GPM6B: variants seen among roughly 807,000 people sequenced by gnomAD.
GPM6B encodes neuronal membrane glycoprotein M6-b.
A neutral mutation model predicts 27.2 loss-of-function variants in GPM6B; 4 were observed. That is an observed-to-expected ratio of 0.15 (90% CI 0.07 to 0.34). The LOEUF (loss-of-function observed/expected upper bound fraction) is 0.34. Among genes scored for constraint, GPM6B ranks in the 10% least tolerant of loss-of-function variants. The pLI, the probability that GPM6B is intolerant of heterozygous loss-of-function variation, is 1.00. For synonymous variants in GPM6B, 124 were observed against 103.1 expected (o/e 1.20, Z -1.23); for missense variants, 183 against 261.9 (o/e 0.70, Z 2.08).
intron 1 of GPM6B, among the ~76,000 whole-genome samples, chrX:13,891,055 C>T (rs6629402): frequency 0.2 from 22,458 of 110,405 alleles, 1,992 homozygotes; most frequent in East Asian, 0.64. Context: ...GTGATCCCAA[C>T]GTGCAGCCAA....
chrX:13,900,012 A>G (rs1219799479), intron 1 of GPM6B, among the ~76,000 whole-genome samples: 2 of 112,341 alleles, frequency 1.8e-5, no homozygotes, highest in African/African-American at 6.5e-5. Context: ...ATTATATGAT[A>G]AAGTATTTGT....
At chrX:13,830,472 T>G (rs760274277) in intron 1 of GPM6B, among the ~76,000 whole-genome samples, 94 of 112,584 alleles carry the variant, frequency 8.3e-4, no homozygotes, top group Non-Finnish European at 1.6e-3. Flanking sequence ...CTTTCAGTTC[T>G]TCCTTACTTA....
intron 1 of GPM6B, among the ~76,000 whole-genome samples, chrX:13,851,260 G>T (rs1334995404): frequency 2.8e-5 from 3 of 108,787 alleles, no homozygotes; most frequent in African/African-American, 1.0e-4. Flanking sequence ...ACAGAATATA[G>T]ATTCTGAGCC....
chrX:13,799,999 C>G (rs1444228949), intron 2 of GPM6B, among the ~76,000 whole-genome samples: 1 of 111,838 alleles, frequency 8.9e-6, no homozygotes, highest in Non-Finnish European at 1.9e-5. Context: ...TAGCTTACTT[C>G]TTAGGACTAG....
intron 1 of GPM6B, among the ~76,000 whole-genome samples, chrX:13,852,592 T>A (rs1444919628): frequency 9.0e-6 from 1 of 110,679 alleles, no homozygotes; most frequent in Non-Finnish European, 1.9e-5. Flanking sequence ...TACCCTGCTT[T>A]TGATTTAATT....
At chrX:13,918,639 G>A (rs2050449715) in intron 1 of GPM6B, among the ~76,000 whole-genome samples, 1 of 111,896 alleles carries the variant, frequency 8.9e-6, no homozygotes, top group Non-Finnish European at 1.9e-5. Flanking sequence ...AGTTTAACTG[G>A]CTCATGGTTC....
At chrX:13,780,974 C>T in intron 4 of GPM6B, 5 of 319,826 alleles carry the variant, frequency 1.6e-5, no homozygotes, top group Non-Finnish European at 1.8e-5. Context: ...AGAAACGAGA[C>T]ACTTTCCCTT....
At chrX:13,902,909 A>G (rs936424732) in intron 1 of GPM6B, among the ~76,000 whole-genome samples, 1 of 111,953 alleles carries the variant, frequency 8.9e-6, no homozygotes, top group East Asian at 2.8e-4. Flanking sequence ...AGACTCAACG[A>G]AAGAGGACCC....
chrX:13,933,519 GT>G (rs896092670), intron 1 of GPM6B, among the ~76,000 whole-genome samples: 3 of 112,130 alleles, frequency 2.7e-5, no homozygotes, highest in African/African-American at 9.7e-5. Context: ...AGTCAGTGGT[GT>G]TTGTTCCCAA....
At position 13,816,939 on chromosome X, in the gene GPM6B, C is replaced by T. The variant is rs1236809168; in HGVS notation, c.-35G>A. 8.5e-7 allele frequency: 1 copy of T among 1,173,131 alleles called. No individual in the cohort carries two copies. On this transcript the variant is annotated 5_prime_UTR_variant, in exon 1 of 8. Coordinates refer to ENST00000316715, the MANE Select transcript of GPM6B (RefSeq NM_001001995.3). ...CAAAAATGCTTTTCCCCCTGTTCCC[C>T]CCAACACACACTTGTTTTTCCTCCT...
intron 1 of GPM6B, among the ~76,000 whole-genome samples, chrX:13,867,392 G>A (rs1203442959): frequency 8.9e-6 from 1 of 112,487 alleles, no homozygotes; most frequent in Non-Finnish European, 1.9e-5. Context: ...CTACAAGCGT[G>A]AGCCGCTGTG....
At chrX:13,812,048 C>CTTTTTTTTTTTT (rs1187553585) in intron 1 of GPM6B, among the ~76,000 whole-genome samples, 1 of 88,916 alleles carries the variant, frequency 1.1e-5, no homozygotes, top group Admixed American at 1.3e-4. Flanking sequence ...TCTTTTCTTT[C>CTTTTTTTTTTTT]TTTTTTTTTT....
At chrX:13,838,101 T>A (rs1481374061) in intron 1 of GPM6B, among the ~76,000 whole-genome samples, 1 of 106,633 alleles carries the variant, frequency 9.4e-6, no homozygotes, top group Non-Finnish European at 1.9e-5. Flanking sequence ...ATTTATAGGT[T>A]TCCTATCTCC....
intron 1 of GPM6B, among the ~76,000 whole-genome samples, chrX:13,852,272 G>C (rs745623119): frequency 3.6e-5 from 4 of 111,261 alleles, no homozygotes; most frequent in Non-Finnish European, 7.5e-5. Flanking sequence ...TGACTCATGG[G>C]CCATACCTGA....
At chrX:13,795,247 G>A (rs2048788119) in intron 2 of GPM6B, among the ~76,000 whole-genome samples, 1 of 112,337 alleles carries the variant, frequency 8.9e-6, no homozygotes, top group Admixed American at 9.4e-5. Context: ...TTGAATATAA[G>A]AGTCAATCAA....
intron 1 of GPM6B, among the ~76,000 whole-genome samples, chrX:13,856,262 CAA>C (rs759011970): frequency 1.8e-5 from 2 of 111,753 alleles, no homozygotes; most frequent in Admixed American, 9.5e-5. Context: ...TCACAGAAAC[CAA>C]AGAGTCCCAA....
intron 1 of GPM6B, among the ~76,000 whole-genome samples, chrX:13,846,066 C>T (rs1314504891): frequency 9.0e-6 from 1 of 111,199 alleles, no homozygotes; most frequent in African/African-American, 3.3e-5. Context: ...GCATTCCTTT[C>T]TCTCTTTCTC....
intron 1 of GPM6B, among the ~76,000 whole-genome samples, chrX:13,913,054 A>G (rs1317701328): frequency 2.7e-5 from 3 of 112,118 alleles, no homozygotes; most frequent in African/African-American, 9.7e-5. Context: ...TGAGAGCCAT[A>G]TGCTTATAAT....
chrX:13,778,051 TTTG>T (rs1410186776), intron 5 of GPM6B, among the ~76,000 whole-genome samples: 18 of 72,515 alleles, frequency 2.5e-4, no homozygotes, highest in Middle Eastern at 6.6e-3. Context: ...ATCAAATTGG[TTTG>T]TTTTTTTTTT....
Sources: gnomAD v4.1 joint callset for allele counts (sites outside exome capture counted in the v4.1 genomes callset) on GRCh38, gnomAD v4.1.1 for gene constraint, MANE v1.5 for transcripts, NCBI Gene and HGNC (gene_info 2026-07-23, HGNC 2026-07-21) for gene names.